Variants in MYO7B observed in about 807,000 individuals in gnomAD.
The protein encoded by MYO7B is myosin VIIB.
MYO7B carries 212 observed loss-of-function variants against 259.7 expected under a neutral mutation model. The ratio of observed to expected loss-of-function variants is 0.82; its 90% CI spans 0.73 to 0.91. The LOEUF (loss-of-function observed/expected upper bound fraction) is 0.91. Among genes scored for constraint, MYO7B ranks in the 40% least tolerant of loss-of-function variants. The pLI, the probability that MYO7B is intolerant of heterozygous loss-of-function variation, is 0.00. For missense variants in MYO7B, 2,732 were observed against 2,813.5 expected, an observed-to-expected ratio of 0.97 and a Z score of 0.66; for synonymous variants, 1,197 against 1,166.4, an observed-to-expected ratio of 1.03 and a Z score of -0.54.
chr2:127,566,693 G>C lies in MYO7B; in HGVS notation c.336G>C (p.Pro112=). The change falls in exon 5 of 48, where the codon CCG becomes CCC. Residue 112 remains proline (P), a synonymous_variant. Transcript: ENST00000409816. The part of the protein sequence containing the change: ...LVAVNPFQVL[P]LYTLEQVQLY... ...CCGTCAACCCGTTCCAGGTGCTGCC[G>C]CTCTACACCCTGGAGCAGGTACAGC... 1 of 1,608,358 alleles carries C rather than the reference G, an allele frequency of 6.2e-7. No homozygotes were observed. Among genetic ancestry groups the C allele is most frequent in the Non-Finnish European group, 8.5e-7 (1 of 1,178,130 alleles).
At position 127,593,622 on chromosome 2, in the gene MYO7B, G is replaced by A. The variant is rs1286954561; in HGVS notation, c.2222G>A (p.Gly741Glu). 3 of 1,613,620 alleles carry A rather than the reference G, an allele frequency of 1.9e-6. No individual in the cohort carries two copies. Among genetic ancestry groups the A allele is most frequent in the Non-Finnish European group, 2.5e-6 (3 of 1,179,850 alleles). The change falls in exon 18 of 48, where the codon GGG (glycine) becomes GAG (glutamate). Residue 741 changes from glycine to glutamate, a missense_variant. Physicochemically the swap from Gly to Glu is moderately conservative, Grantham distance 98. Around this residue, in one of 3 missense-constraint regions of MYO7B, gnomAD observed 1,906 missense variants for 2,026.4 expected, o/e 0.94. Coordinates refer to ENST00000409816, the MANE Select transcript of MYO7B (RefSeq NM_001393586.1). ...WLRTDKDWKA[G>E]KTKIFLRDHQ... The stretch of plus-strand genomic sequence containing the variant: ...CGGACAGACAAAGACTGGAAAGCGG[G>A]GAAGACAAAAATTTTCCTGAGGGTG...
Position 127,564,264 on chromosome 2 carries a change from A to G in MYO7B, c.130A>G (p.Lys44Glu). The G allele has an allele frequency of 1.9e-6, 3 of 1,565,756 alleles. No individual in the cohort carries two copies. The highest frequency in any genetic ancestry group is 2.4e-5 in the East Asian group (1 of 42,004). Residue 44 changes from lysine (K) to glutamate (E), a missense_variant and splice_region_variant, in exon 3 of 48, where the codon AAG (lysine) becomes GAG (glutamate). Physicochemically the swap from Lys to Glu is moderately conservative, Grantham distance 56 (BLOSUM62 1). Around this residue, in one of 3 missense-constraint regions of MYO7B, gnomAD observed 1,906 missense variants for 2,026.4 expected, o/e 0.94. Coordinates refer to ENST00000409816, the MANE Select transcript of MYO7B (RefSeq NM_001393586.1). ...AGTCTTGGTTGAAGATGACGAGGGCAAGGTCAGTGTTCTGGGGTTTCCTCT... is the reference window on the plus strand; with the variant it reads ...AGTCTTGGTTGAAGATGACGAGGGCGAGGTCAGTGTTCTGGGGTTTCCTCT... Reference protein sequence around the residue: ...GKVLVEDDEGKEHWIRAEDFG... With the variant: ...GKVLVEDDEGEEHWIRAEDFG...
In MYO7B at chr2:127,629,828, T is replaced by C. The variant is rs1472568553; in HGVS notation, c.4806+2T>C. The C allele has an allele frequency of 6.4e-7, 1 of 1,552,800 alleles. No individual in the cohort carries two copies. Among genetic ancestry groups the C allele is most frequent in the African/African-American group, 1.4e-5 (1 of 72,922 alleles). ...ACTAAGCCCTCGGCACAGCTGCTGGTAACTGGCACGCTCCCCTGTCCTCAG... is the reference window on the plus strand; with the variant it reads ...ACTAAGCCCTCGGCACAGCTGCTGGCAACTGGCACGCTCCCCTGTCCTCAG... On this transcript the variant is annotated splice_donor_variant, in intron 35 of 47. Coordinates refer to ENST00000409816, the MANE Select transcript of MYO7B (RefSeq NM_001393586.1). LOFTEE classifies it high-confidence loss of function.
Position 127,612,505 on chromosome 2 carries a change from G to A in MYO7B, c.3300G>A (p.Glu1100=). 6.4e-7 allele frequency: 1 copy of A among 1,561,526 alleles called. No homozygotes were observed. Residue 1100 remains glutamate (E), a synonymous_variant, in exon 26 of 48, where the codon GAG becomes GAA. Transcript: ENST00000409816. Reference sequence around the variant, plus strand: ...CCAGCCAGCTGAACATTGGAGAGGAGGCATTGGAGCCTGATGGCCTTGGTG... The same window carrying A: ...CCAGCCAGCTGAACATTGGAGAGGAAGCATTGGAGCCTGATGGCCTTGGTG... The part of the protein sequence containing the change: ...QVASQLNIGE[E]ALEPDGLGAD...
chr2:127,595,045 A>G (rs1326167511), intron 18 of MYO7B, among the ~76,000 whole-genome samples: 4 of 152,236 alleles, frequency 2.6e-5, no homozygotes, highest in African/African-American at 7.2e-5. Flanking sequence ...TTCAAAAAAA[A>G]GGGTATCAAC....
chr2:127,571,442 G>GTTTTTTTTTTTGTTTTTTTTT, intron 6 of MYO7B, among the ~76,000 whole-genome samples: 1 of 41,968 alleles, frequency 2.4e-5, no homozygotes, highest in South Asian at 8.3e-4. Context: ...TTACCAGTGA[G>GTTTTTTTTTTTGTTTTTTTTT]TTTTTTTTTT....
intron 1 of MYO7B, among the ~76,000 whole-genome samples, chr2:127,558,248 C>G (rs374466355): frequency 6.6e-6 from 1 of 152,114 alleles, no homozygotes; most frequent in Non-Finnish European, 1.5e-5. Flanking sequence ...TGAAAAAATG[C>G]TCAACATCAC....
rs149336506 is a variant in MYO7B at position 127,563,548 on chromosome 2, A to C, written c.19-605A>C. ...TGCAAATATGGTGTTTCCTAGAACCAAGACAGGCCAGGCAAGCTCCGCCTG... is the reference window on the plus strand; with the variant it reads ...TGCAAATATGGTGTTTCCTAGAACCCAGACAGGCCAGGCAAGCTCCGCCTG... On this transcript the variant is annotated intron_variant, in intron 2 of 47. Coordinates refer to ENST00000409816, the MANE Select transcript of MYO7B (RefSeq NM_001393586.1). Among the ~76,000 whole-genome samples the C allele has an allele frequency of 3.9e-3, 591 of 152,302 alleles. 3 individuals carry two copies. The highest frequency in any genetic ancestry group is 0.01 in the Middle Eastern group (3 of 294).
rs1215845428 is a variant in MYO7B, at chr2:127,586,276, C to A, written c.1690+1363C>A. Among the ~76,000 whole-genome samples, 2 of 152,048 alleles carry A rather than the reference C, an allele frequency of 1.3e-5. No homozygotes were observed. Among genetic ancestry groups the A allele is most frequent in the African/African-American group, 4.8e-5 (2 of 41,394 alleles). ...ATGGTTTTGACTGAAGAAGTGAAGG[C>A]CTGGGGTGGTCACCCTATGGGTGTG... On this transcript the variant is annotated intron_variant, in intron 14 of 47. Transcript: ENST00000409816. The surrounding 1 kb of genome is among the most constrained non-coding windows in gnomAD (Gnocchi z 4.8).
intron 1 of MYO7B, among the ~76,000 whole-genome samples, chr2:127,545,726 T>C (rs1268473527): frequency 6.6e-6 from 1 of 152,228 alleles, no homozygotes; most frequent in African/African-American, 2.4e-5. Context: ...TAATCATATG[T>C]GCCTCACGGG....
Position 127,582,382 on chromosome 2 carries a change from A to C in MYO7B, c.1279A>C (p.Lys427Gln). The C allele has an allele frequency of 6.2e-7, 1 of 1,613,310 alleles. No individual in the cohort carries two copies. Among genetic ancestry groups the C allele is most frequent in the South Asian group, 1.1e-5 (1 of 90,842 alleles). ...CTTCACACCACCAGCCCAGGACCCC[A>C]AAAATGTGCGGAGGGCCATCGGCCT... ...AIFTPPAQDP[K>Q]NVRRAIGLLD... Residue 427 changes from lysine to glutamine, a missense_variant, in exon 12 of 48, where the codon AAA (lysine) becomes CAA (glutamine). Lys to Gln is a moderately conservative substitution (Grantham distance 53). Coordinates refer to ENST00000409816, the MANE Select transcript of MYO7B (RefSeq NM_001393586.1).
At chr2:127,634,509 G>A (rs995154028) in intron 41 of MYO7B, 87 bp from the exon 42 acceptor site, 3 of 1,219,650 alleles carry the variant, frequency 2.5e-6, no homozygotes, top group Non-Finnish European at 3.5e-6. Flanking sequence ...CCAGGCCGTA[G>A]GCGGCCACTG....
At position 127,629,627 on chromosome 2, in the gene MYO7B, G is replaced by A. The variant is rs1211769624; in HGVS notation, c.4625-18G>A. ...GCCCCTGCAGAGCCCTCAGCAAATAGCCTCCCTGCCCTTACAGATGACACC... is the reference window on the plus strand; with the variant it reads ...GCCCCTGCAGAGCCCTCAGCAAATAACCTCCCTGCCCTTACAGATGACACC... On this transcript the variant is annotated intron_variant, in intron 34 of 47. Coordinates refer to ENST00000409816, the MANE Select transcript of MYO7B (RefSeq NM_001393586.1). The A allele has an allele frequency of 1.5e-5, 24 of 1,606,190 alleles. No homozygotes were observed. The highest frequency in any genetic ancestry group is 3.3e-4 in the Middle Eastern group (2 of 6,052).
At position 127,615,847 on chromosome 2, in the gene MYO7B, T is replaced by G. The variant is rs1032243850; in HGVS notation, c.3398+3244T>G. Among the ~76,000 whole-genome samples the G allele has an allele frequency of 1.3e-5, 2 of 152,192 alleles. No homozygotes were observed. Among genetic ancestry groups the G allele is most frequent in the Non-Finnish European group, 2.9e-5 (2 of 68,040 alleles). ...AGCCCTTAATTGCCAGTTGGTGGTT[T>G]GTTCCGTCTTCGCATTCAGCTGGTA... On this transcript the variant is annotated intron_variant, in intron 26 of 47. Coordinates refer to ENST00000409816, the MANE Select transcript of MYO7B (RefSeq NM_001393586.1). The surrounding 1 kb of genome is among the most constrained non-coding windows in gnomAD (Gnocchi z 4.4).
intron 31 of MYO7B, 174 bp from the exon 32 acceptor site, chr2:127,626,801 G>C (rs1681149904): frequency 9.8e-6 from 6 of 614,790 alleles, no homozygotes; most frequent in Non-Finnish European, 1.7e-5. Flanking sequence ...AAAAGGATAG[G>C]GCTGCACCAG....
chr2:127,629,165 G>A (rs1681325480), intron 34 of MYO7B, among the ~76,000 whole-genome samples: 2 of 152,352 alleles, frequency 1.3e-5, no homozygotes, highest in South Asian at 4.1e-4. Context: ...AGAAGAGGCT[G>A]TGTGTGGGGT....
At chr2:127,608,948 AGT>A in intron 22 of MYO7B, 70 bp downstream of exon 22, 4 of 1,532,416 alleles carry the variant, frequency 2.6e-6, no homozygotes, top group Non-Finnish European at 3.5e-6. Context: ...CCGTGAACTC[AGT>A]CCACCTCTCG....
At chr2:127,618,505 A>G (rs1466409732) in intron 26 of MYO7B, among the ~76,000 whole-genome samples, 1 of 152,178 alleles carries the variant, frequency 6.6e-6, no homozygotes, top group Non-Finnish European at 1.5e-5. Context: ...AATCACAAGA[A>G]ACACTTGTGC....
intron 27 of MYO7B, among the ~76,000 whole-genome samples, chr2:127,621,321 T>C (rs1680831726): frequency 6.7e-6 from 1 of 149,574 alleles, no homozygotes; most frequent in Non-Finnish European, 1.5e-5. Context: ...CAGAGTGCAG[T>C]GGAGCGATCT....
Sources: allele counts gnomAD v4.1 joint callset (sites outside exome capture counted in the v4.1 genomes callset), GRCh38; gene constraint gnomAD v4.1.1; regional missense constraint gnomAD v4.1.1; non-coding constraint Gnocchi (gnomAD v3.1); transcripts MANE v1.5; gene names NCBI Gene and HGNC (gene_info 2026-07-23, HGNC 2026-07-21).